The following LOC400499 variants were observed in gnomAD, a reference collection of about 807,000 sequenced individuals.
At chr16:11,507,650 G>C in the LOC400499 span, among the ~76,000 whole-genome samples, 2 of 152,220 alleles carry the variant, frequency 1.3e-5, no homozygotes, top group Non-Finnish European at 2.9e-5. Context: ...GTAAAGCCCT[G>C]GCAGGGCGCA....
the LOC400499 span, chr16:11,476,781 C>T: frequency 2.5e-6 from 1 of 399,422 alleles, no homozygotes; most frequent in East Asian, 3.6e-5. Context: ...TGAGCAGCTC[C>T]ACGGCCTCCT....
At chr16:11,427,342 C>A in the LOC400499 span, among the ~76,000 whole-genome samples, 1 of 118,432 alleles carries the variant, frequency 8.4e-6, no homozygotes, top group Non-Finnish European at 1.6e-5. Context: ...GAGCGAAACT[C>A]CATCTCACAA....
the LOC400499 span, among the ~76,000 whole-genome samples, chr16:11,393,981 A>G: frequency 6.6e-6 from 1 of 152,130 alleles, no homozygotes; most frequent in Non-Finnish European, 1.5e-5. Flanking sequence ...ATACCCATCT[A>G]GGAGCCCAAC....
chr16:11,427,711 G>A, the LOC400499 span, among the ~76,000 whole-genome samples: 2 of 152,138 alleles, frequency 1.3e-5, no homozygotes, highest in Non-Finnish European at 2.9e-5. Flanking sequence ...CTCCCAAAGT[G>A]CTGGGATTAT....
the LOC400499 span, among the ~76,000 whole-genome samples, chr16:11,505,862 C>G: frequency 1.3e-5 from 2 of 152,068 alleles, no homozygotes; most frequent in Non-Finnish European, 2.9e-5. Flanking sequence ...CCGTAACCAC[C>G]TTTTCTTTAC....
At chr16:11,404,037 C>T in the LOC400499 span, among the ~76,000 whole-genome samples, 3 of 152,172 alleles carry the variant, frequency 2.0e-5, no homozygotes, top group Non-Finnish European at 4.4e-5. Context: ...AACCTCATTT[C>T]CAAGTGGGGC....
chr16:11,481,469 C>T, the LOC400499 span, among the ~76,000 whole-genome samples: 1 of 152,046 alleles, frequency 6.6e-6, no homozygotes, highest in African/African-American at 2.4e-5. Flanking sequence ...ATTATAAACG[C>T]CTGCCACCAC....
the LOC400499 span, chr16:11,407,289 C>G: frequency 1.0e-5 from 4 of 398,896 alleles, no homozygotes; most frequent in Non-Finnish European, 1.8e-5. Flanking sequence ...TGACGCTCCT[C>G]CACGCCCAAG....
the LOC400499 span, among the ~76,000 whole-genome samples, chr16:11,466,493 A>G: frequency 6.6e-6 from 1 of 152,002 alleles, no homozygotes; most frequent in Non-Finnish European, 1.5e-5. Flanking sequence ...GGTTCAAGCA[A>G]TTCTCCTGCC....
the LOC400499 span, among the ~76,000 whole-genome samples, chr16:11,410,280 C>G: frequency 1.6e-3 from 249 of 152,256 alleles, no homozygotes; most frequent in African/African-American, 5.7e-3. Flanking sequence ...ACGGTGAAAC[C>G]CTGTCTCTAC....
the LOC400499 span, chr16:11,460,659 T>A: frequency 2.7e-6 from 4 of 1,481,446 alleles, no homozygotes; most frequent in Non-Finnish European, 2.7e-6. Flanking sequence ...CAGGCAGCCC[T>A]CCACCAGGGC....
At chr16:11,383,681 C>T in the LOC400499 span, 1 of 1,232,466 alleles carries the variant, frequency 8.1e-7, no homozygotes, top group Non-Finnish European at 1.0e-6. Flanking sequence ...AATCCACGGG[C>T]ACACAGGTGG....
the LOC400499 span, chr16:11,446,885 G>A: frequency 6.5e-7 from 1 of 1,535,764 alleles, no homozygotes; most frequent in Non-Finnish European, 8.7e-7. Flanking sequence ...AGGAGGCTCT[G>A]CGGGATGGGC....
chr16:11,432,571 G>C, the LOC400499 span, among the ~76,000 whole-genome samples: 1 of 152,262 alleles, frequency 6.6e-6, no homozygotes, highest in Middle Eastern at 3.4e-3. Context: ...CCTACTCCAG[G>C]GTCATAATGA....
At chr16:11,526,972 T>C in the LOC400499 span, among the ~76,000 whole-genome samples, 1 of 152,108 alleles carries the variant, frequency 6.6e-6, no homozygotes, top group Non-Finnish European at 1.5e-5. Context: ...CTCTTCCCCA[T>C]GAAAAGCAAA....
the LOC400499 span, among the ~76,000 whole-genome samples, chr16:11,464,831 T>C: frequency 3.3e-5 from 5 of 151,948 alleles, no homozygotes; most frequent in Admixed American, 2.0e-4. Flanking sequence ...CACGGGGAGG[T>C]AGAGGCAATC....
At chr16:11,429,083 G>A in the LOC400499 span, among the ~76,000 whole-genome samples, 1 of 152,192 alleles carries the variant, frequency 6.6e-6, no homozygotes, top group Non-Finnish European at 1.5e-5. Flanking sequence ...GAAGGAGGGT[G>A]ATATGGTTTG....
the LOC400499 span, among the ~76,000 whole-genome samples, chr16:11,499,367 G>C: frequency 2.5e-4 from 37 of 150,592 alleles, no homozygotes; most frequent in African/African-American, 7.8e-4. Flanking sequence ...GGAAGGGGAA[G>C]GAGACAGACA....
At chr16:11,408,911 G>A in the LOC400499 span, among the ~76,000 whole-genome samples, 2 of 152,028 alleles carry the variant, frequency 1.3e-5, no homozygotes, top group South Asian at 4.2e-4. Context: ...AATCTAGTAT[G>A]TGGGTATGCA....
Sources: gnomAD v4.1 joint callset for allele counts (sites outside exome capture counted in the v4.1 genomes callset) on GRCh38, gnomAD v4.1.1 for gene constraint, MANE v1.5 for transcripts.